ATP6V1A: variants seen among roughly 807,000 people sequenced by gnomAD.
ATP6V1A encodes the protein V-type proton ATPase catalytic subunit A.
A neutral mutation model predicts 70.1 loss-of-function variants in ATP6V1A; 18 were observed. That is an observed-to-expected ratio of 0.26 (90% CI 0.18 to 0.38). The LOEUF is 0.38. ATP6V1A is among the 10% of genes least tolerant of loss of function. ATP6V1A has a pLI of 1.00. For synonymous variants in ATP6V1A, 232 were observed against 253.8 expected (o/e 0.91, Z 0.82); for missense variants, 424 against 772.4 (o/e 0.55, Z 5.35).
chr3:113,805,013 A>C (rs1400532141), intron 13 of ATP6V1A, among the ~76,000 whole-genome samples: 1 of 152,236 alleles, frequency 6.6e-6, no homozygotes, highest in Non-Finnish European at 1.5e-5. Context: ...ACTGCATTGT[A>C]CAAAAACAAA....
At chr3:113,788,942 T>A (rs1036310773) in intron 7 of ATP6V1A, 67 bp downstream of exon 7, 1 of 1,443,328 alleles carries the variant, frequency 6.9e-7, no homozygotes, top group Non-Finnish European at 9.6e-7. Flanking sequence ...TGACAATTAA[T>A]AAAGCTTTGT....
At chr3:113,791,044 A>C (rs997488354) in intron 8 of ATP6V1A, among the ~76,000 whole-genome samples, 16 of 152,082 alleles carry the variant, frequency 1.1e-4, no homozygotes, top group African/African-American at 3.6e-4. Context: ...AGTTTCATTA[A>C]ATTTTTCTGG....
Position 113,761,413 on chromosome 3 carries a change from C to T in ATP6V1A, c.-14+14300C>T, listed in dbSNP as rs142743533. ...AAAGCCATCAAAATTTGCTCAGTAA[C>T]GAGAGTAATATGGTAATTGTAAAGT... On this transcript the variant is annotated intron_variant, in intron 1 of 14. Coordinates refer to ENST00000273398, the MANE Select transcript of ATP6V1A (RefSeq NM_001690.4). Among the ~76,000 whole-genome samples, 60 of 150,536 alleles carry T rather than the reference C, an allele frequency of 4.0e-4. No homozygotes were observed. In the East Asian group the frequency reaches 9.6e-3, roughly 24 times the overall value.
chr3:113,772,178 A>G (rs1343717222), intron 1 of ATP6V1A, among the ~76,000 whole-genome samples: 1 of 152,186 alleles, frequency 6.6e-6, no homozygotes, highest in Non-Finnish European at 1.5e-5. Flanking sequence ...GTGTCCATTC[A>G]GCAGGTGCAC....
At chr3:113,800,007 A>G (rs1001489671) in intron 12 of ATP6V1A, among the ~76,000 whole-genome samples, 1 of 152,154 alleles carries the variant, frequency 6.6e-6, no homozygotes, top group East Asian at 1.9e-4. Flanking sequence ...AGAGGTGGGC[A>G]GATCAACGAG....
At chr3:113,772,694 C>T (rs1708858261) in intron 1 of ATP6V1A, among the ~76,000 whole-genome samples, 1 of 149,112 alleles carries the variant, frequency 6.7e-6, no homozygotes, top group Non-Finnish European at 1.5e-5. Flanking sequence ...CACCACTGCA[C>T]TCCAGCCTGG....
chr3:113,765,289 T>C (rs1213854157), intron 1 of ATP6V1A, among the ~76,000 whole-genome samples: 1 of 152,164 alleles, frequency 6.6e-6, no homozygotes, highest in Non-Finnish European at 1.5e-5. Flanking sequence ...ATTAGTAAAA[T>C]ACAATGTTAT....
chr3:113,789,779 A>C lies in ATP6V1A; in HGVS notation c.927A>C (p.Thr309=), dbSNP rs1709072630. 2 of 1,613,406 alleles carry C rather than the reference A, an allele frequency of 1.2e-6. No homozygotes were observed. Among genetic ancestry groups the C allele is most frequent in the East Asian group, 4.5e-5 (2 of 44,856 alleles). ...DGKVESIMKR[T]ALVANTSNMP... ...AGGTAGAGTCAATTATGAAGAGGAC[A>C]GCTTTGGTAGCCAATACCTCCAATA... Residue 309 remains threonine (T), a synonymous_variant, in exon 8 of 15, where the codon ACA becomes ACC. Coordinates refer to ENST00000273398, the MANE Select transcript of ATP6V1A (RefSeq NM_001690.4).
At chr3:113,768,331 A>G (rs146282764) in intron 1 of ATP6V1A, among the ~76,000 whole-genome samples, 1 of 152,106 alleles carries the variant, frequency 6.6e-6, no homozygotes, top group Non-Finnish European at 1.5e-5. Context: ...CTTTTGGTTT[A>G]TTTTTTTAAA....
intron 3 of ATP6V1A, among the ~76,000 whole-genome samples, chr3:113,782,036 A>G (rs1193687280): frequency 6.6e-6 from 1 of 152,220 alleles, no homozygotes; most frequent in Non-Finnish European, 1.5e-5. Flanking sequence ...CTAGTGAAGA[A>G]GAACCACTTT....
chr3:113,786,008 C>T (rs1375501029), intron 5 of ATP6V1A, among the ~76,000 whole-genome samples: 1 of 147,360 alleles, frequency 6.8e-6, no homozygotes, highest in Non-Finnish European at 1.5e-5. Context: ...TCCTTTCTAA[C>T]TCAGAAATTT....
intron 8 of ATP6V1A, 125 bp downstream of exon 8, chr3:113,789,965 A>G: frequency 3.0e-6 from 2 of 664,460 alleles, no homozygotes; most frequent in Non-Finnish European, 4.9e-6. Context: ...GCACATTCCT[A>G]GCTTTTAAAA....
chr3:113,762,576 A>G (rs1276363580), intron 1 of ATP6V1A, among the ~76,000 whole-genome samples: 1 of 152,188 alleles, frequency 6.6e-6, no homozygotes, highest in African/African-American at 2.4e-5. Flanking sequence ...CTCAAAAAAA[A>G]AAATGGTAAA....
intron 1 of ATP6V1A, among the ~76,000 whole-genome samples, chr3:113,760,247 C>T (rs948955867): frequency 2.6e-5 from 4 of 152,152 alleles, no homozygotes; most frequent in Non-Finnish European, 4.4e-5. Context: ...TGTTTTTTCA[C>T]CTATCTTAGG....
At chr3:113,776,490 CAATT>C (rs1002640652) in intron 1 of ATP6V1A, among the ~76,000 whole-genome samples, 52 of 152,204 alleles carry the variant, frequency 3.4e-4, no homozygotes, top group African/African-American at 1.2e-3. Context: ...GTTTGCACCT[CAATT>C]GAGCATTTAA....
At chr3:113,759,732 A>G (rs1011601759) in intron 1 of ATP6V1A, among the ~76,000 whole-genome samples, 5 of 152,196 alleles carry the variant, frequency 3.3e-5, no homozygotes, top group African/African-American at 4.8e-5. Flanking sequence ...GCATTAGGCC[A>G]AAATGTGTAT....
intron 14 of ATP6V1A, among the ~76,000 whole-genome samples, chr3:113,805,947 T>C (rs1488129531): frequency 6.6e-6 from 1 of 152,140 alleles, no homozygotes; most frequent in East Asian, 1.9e-4. Flanking sequence ...GACCTCAAAG[T>C]TATGTTCAAA....
Position 113,788,764 on chromosome 3 carries a change from G to A in ATP6V1A, c.768G>A (p.Lys256=). The A allele has an allele frequency of 6.2e-7, 1 of 1,614,084 alleles. No homozygotes were observed. The highest frequency in any genetic ancestry group is 8.5e-7 in the Non-Finnish European group (1 of 1,179,982). The change falls in exon 7 of 15, where the codon AAG becomes AAA. Residue 256 remains lysine (K), a synonymous_variant. Coordinates refer to ENST00000273398, the MANE Select transcript of ATP6V1A (RefSeq NM_001690.4). ...TAIPGAFGCG[K]TVISQSLSKY... ...TCCCTGGAGCCTTTGGCTGTGGAAA[G>A]ACAGTGATATCACAGTCTCTATCCA... is the stretch of plus-strand genomic sequence containing the variant.
chr3:113,748,114 G>A (rs899490976), intron 1 of ATP6V1A, among the ~76,000 whole-genome samples: 1 of 152,126 alleles, frequency 6.6e-6, no homozygotes, highest in Non-Finnish European at 1.5e-5. Flanking sequence ...AGTAGCATTT[G>A]TATCCCTCTT....
Sources: gnomAD v4.1 joint callset for allele counts (sites outside exome capture counted in the v4.1 genomes callset) on GRCh38, gnomAD v4.1.1 for gene constraint, MANE v1.5 for transcripts, NCBI Gene and HGNC (gene_info 2026-07-23, HGNC 2026-07-21) for gene names.